LRRC9: variants seen among roughly 807,000 people sequenced by gnomAD.
LRRC9 encodes leucine-rich repeat-containing protein 9.
Under a neutral mutation model 63.2 loss-of-function variants are expected in LRRC9, and 122 were observed. That is an observed-to-expected ratio of 1.93 (90% CI 1.67 to 2.24). The LOEUF (loss-of-function observed/expected upper bound fraction) is 2.24, where lower values mean the gene tolerates loss of function less well. LRRC9 is among the 30% of genes most tolerant of loss of function. The pLI, the probability that LRRC9 is intolerant of heterozygous loss-of-function variation, is 0.00. For synonymous variants in LRRC9, 366 were observed against 213.1 expected (o/e 1.72, Z -6.25); for missense variants, 1,071 against 627.7 (o/e 1.71, Z -7.55).
chr14:59,928,365 G>C, exon 3 of LRRC9: 1 of 696,246 alleles, frequency 1.4e-6, no homozygotes, highest in Non-Finnish European at 2.6e-6. Context: ...CGTATAGTTG[G>C]ATTATCATTA....
chr14:59,952,110 C>T (rs1883205139), intron 8 of LRRC9, among the ~76,000 whole-genome samples: 1 of 152,040 alleles, frequency 6.6e-6, no homozygotes, highest in South Asian at 2.1e-4. Context: ...TCGCTGCCGC[C>T]TTGCAGTTTG....
In LRRC9 at chr14:59,993,029, AG is replaced by A. The variant is rs1888330816; in HGVS notation, c.2212-4625del. 2.0e-5 allele frequency among the ~76,000 whole-genome samples: 3 copies of A among 152,216 alleles called. No individual in the cohort carries two copies. In the South Asian group the frequency reaches 6.2e-4, roughly 32 times the overall value. On this transcript the variant is annotated intron_variant, in intron 17 of 31. Transcript: ENST00000445360. ...GTCAGATTCACCAAAGTTGAAATGA[AG>A]GAAAAAATGTTAAGGGCAGCCAGAG...
At chr14:59,999,028 C>A (rs1889091944) in intron 18 of LRRC9, 73 bp from the exon 19 acceptor site, 2 of 549,804 alleles carry the variant, frequency 3.6e-6, no homozygotes, top group African/African-American at 1.9e-5. Context: ...TATGGAAAGA[C>A]ATGAAAACAG....
In LRRC9 at chr14:59,990,817, A is replaced by C. The variant is rs1018318681; in HGVS notation, c.2211+5593A>C. On this transcript the variant is annotated intron_variant, in intron 17 of 31. Transcript: ENST00000445360. This position sits in a 1 kb window ranked among gnomAD's most constrained non-coding sequence, Gnocchi z 4.2. ...TTGGTCTCCACACATTCCGGTGAAT[A>C]TTTGTTGACTGTTCTGGGGCTCTCC... Among the ~76,000 whole-genome samples the C allele has an allele frequency of 1.3e-5, 2 of 152,216 alleles. No homozygotes were observed. Among genetic ancestry groups the C allele is most frequent in the African/African-American group, 4.8e-5 (2 of 41,458 alleles).
chr14:60,010,380 A>G (rs1313066777), intron 23 of LRRC9, among the ~76,000 whole-genome samples: 1 of 152,152 alleles, frequency 6.6e-6, no homozygotes, highest in Non-Finnish European at 1.5e-5. Context: ...GGCCCCTTTT[A>G]GCCATGACTG....
rs534849232 is a variant in LRRC9, at chr14:59,934,651, T to C, written c.543+2612T>C. Among the ~76,000 whole-genome samples the C allele has an allele frequency of 2.6e-5, 4 of 152,188 alleles. No homozygotes were observed. The South Asian group carries it at 8.3e-4, about 32-fold the overall frequency. The stretch of plus-strand genomic sequence containing the variant: ...GGCAGTAAGATAGATAACAAGATTG[T>C]GTGTGTGCACGCATGCACGTGCACA... On this transcript the variant is annotated intron_variant, in intron 6 of 31. Coordinates refer to ENST00000445360, the Ensembl canonical transcript of LRRC9.
At position 59,958,127 on chromosome 14, in the gene LRRC9, A is replaced by T. The variant is rs1303903998; in HGVS notation, c.883-1691A>T. ...GGGTCAGGAACCCACTTGAGCAGGC[A>T]GTCTGTCCCTTAGCAGAGCTGGTGC... On this transcript the variant is annotated intron_variant, in intron 8 of 31. Transcript: ENST00000445360. This position sits in a 1 kb window ranked among gnomAD's most constrained non-coding sequence, Gnocchi z 4.0. Among the ~76,000 whole-genome samples the T allele has an allele frequency of 6.6e-6, 1 of 152,222 alleles. No individual in the cohort carries two copies. The highest frequency in any genetic ancestry group is 2.4e-5 in the African/African-American group (1 of 41,454).
At chr14:59,998,768 T>C (rs1594984432) in intron 18 of LRRC9, among the ~76,000 whole-genome samples, 2 of 152,186 alleles carry the variant, frequency 1.3e-5, no homozygotes, top group South Asian at 2.1e-4. Context: ...AAGATCCATA[T>C]TGAATCACAC....
At chr14:59,960,160 G>C in intron 9 of LRRC9, 146 bp downstream of exon 9, 1 of 502,014 alleles carries the variant, frequency 2.0e-6, no homozygotes, top group Non-Finnish European at 3.5e-6. Flanking sequence ...CTTAGTACTA[G>C]TTCCTAGTAC....
chr14:60,026,263 T>A (rs1891544254), intron 27 of LRRC9, among the ~76,000 whole-genome samples: 1 of 152,126 alleles, frequency 6.6e-6, no homozygotes, highest in South Asian at 2.1e-4. Flanking sequence ...TTTCTCTATA[T>A]CCTTGTCAGC....
intron 30 of LRRC9, chr14:60,054,039 C>A: frequency 2.5e-6 from 1 of 400,924 alleles, no homozygotes; most frequent in South Asian, 1.9e-5. Context: ...AACCAGAAAC[C>A]AAGGACATTA....
intron 18 of LRRC9, among the ~76,000 whole-genome samples, 154 bp downstream of exon 18, chr14:59,998,001 G>A (rs72718039): frequency 0.035 from 5,351 of 152,098 alleles, 141 homozygotes; most frequent in Non-Finnish European, 0.055. Flanking sequence ...TGGATTTAAT[G>A]TACTGATCAA....
intron 8 of LRRC9, among the ~76,000 whole-genome samples, chr14:59,949,504 T>A (rs1791683800): frequency 6.6e-6 from 1 of 151,118 alleles, no homozygotes; most frequent in South Asian, 2.1e-4. Context: ...GTGTCTCTAT[T>A]TCCTTCAGTT....
rs1025934928 is a variant in LRRC9 at position 59,936,665 on chromosome 14, A to G, written c.544-1725A>G. On this transcript the variant is annotated intron_variant, in intron 6 of 31. Coordinates refer to ENST00000445360, the Ensembl canonical transcript of LRRC9. The surrounding 1 kb of genome is among the most constrained non-coding windows in gnomAD (Gnocchi z 4.2). ...TCTTGCCCCTGCAGAATTTGACCAA[A>G]TAATTCTCTGCACAGCTCTGTCCAT... Among the ~76,000 whole-genome samples the G allele has an allele frequency of 1.3e-5, 2 of 152,212 alleles. No individual in the cohort carries two copies. The highest frequency in any genetic ancestry group is 2.9e-5 in the Non-Finnish European group (2 of 68,036).
intron 31 of LRRC9, among the ~76,000 whole-genome samples, chr14:60,059,717 A>G (rs1395142351): frequency 1.3e-5 from 2 of 152,344 alleles, no homozygotes; most frequent in East Asian, 3.9e-4. Flanking sequence ...AGAAAGCTGC[A>G]GAAGAGAAGT....
chr14:59,991,132 T>C (rs111325865), intron 17 of LRRC9, among the ~76,000 whole-genome samples: 43 of 152,352 alleles, frequency 2.8e-4, no homozygotes, highest in African/African-American at 1.0e-3. Context: ...TATTCCAGTA[T>C]TGTAAAAAGT....
At chr14:59,969,586 A>C (rs912956703) in intron 12 of LRRC9, among the ~76,000 whole-genome samples, 2 of 152,180 alleles carry the variant, frequency 1.3e-5, no homozygotes, top group Non-Finnish European at 2.9e-5. Flanking sequence ...TAAGGTTGGC[A>C]GTATCTACAG....
chr14:60,030,623 T>C (rs964481176), intron 28 of LRRC9, among the ~76,000 whole-genome samples: 1 of 152,062 alleles, frequency 6.6e-6, no homozygotes, highest in Non-Finnish European at 1.5e-5. Context: ...TAGGTACTTA[T>C]GCTGACATTG....
chr14:60,014,333 T>C (rs1479284993), intron 23 of LRRC9, among the ~76,000 whole-genome samples: 1 of 152,090 alleles, frequency 6.6e-6, no homozygotes, highest in Admixed American at 6.6e-5. Flanking sequence ...AAGGGAAGTT[T>C]ATTAATACTC....
Sources: gnomAD v4.1 joint callset for allele counts (sites outside exome capture counted in the v4.1 genomes callset) on GRCh38, gnomAD v4.1.1 for gene constraint, Gnocchi (gnomAD v3.1) non-coding constraint, MANE v1.5 for transcripts, NCBI Gene and HGNC (gene_info 2026-07-23, HGNC 2026-07-21) for gene names.